The following ZHX2 variants were observed in gnomAD, a reference collection of about 807,000 sequenced individuals.
ZHX2 encodes zinc fingers and homeoboxes 2.
ZHX2 carries 6 observed loss-of-function variants against 21.9 expected under a neutral mutation model. The observed-to-expected ratio is 0.27, with a 90% CI of 0.15 to 0.54. The LOEUF (loss-of-function observed/expected upper bound fraction) is 0.54. Ranked by LOEUF, ZHX2 falls within the 20% of genes least tolerant of loss-of-function variation. The pLI, the probability that ZHX2 is intolerant of heterozygous loss-of-function variation, is 0.95. For synonymous variants in ZHX2, 434 were observed against 437.1 expected, an observed-to-expected ratio of 0.99 and a Z score of 0.09; for missense variants, 908 against 1,090.7, an observed-to-expected ratio of 0.83 and a Z score of 2.36.
intron 1 of ZHX2, among the ~76,000 whole-genome samples, chr8:122,844,594 C>T (rs1381179364): frequency 5.9e-5 from 9 of 152,136 alleles, no homozygotes; most frequent in African/African-American, 9.7e-5. Context: ...AGTGAAGTGA[C>T]GAGGGAGGTA....
chr8:122,920,105 C>G (rs1820701959), intron 2 of ZHX2, among the ~76,000 whole-genome samples: 1 of 152,166 alleles, frequency 6.6e-6, no homozygotes, highest in South Asian at 2.1e-4. Flanking sequence ...AAAACTCCGT[C>G]TCTACTAAAA....
chr8:122,829,992 A>G (rs1818337892), intron 1 of ZHX2, among the ~76,000 whole-genome samples: 1 of 152,256 alleles, frequency 6.6e-6, no homozygotes, highest in Admixed American at 6.5e-5. Context: ...TGTCAGAGCT[A>G]TTTGAACCAG....
chr8:122,930,833 T>C (rs993435496), intron 2 of ZHX2, among the ~76,000 whole-genome samples: 2 of 151,808 alleles, frequency 1.3e-5, no homozygotes, highest in Non-Finnish European at 2.9e-5. Context: ...GCTGGGAATA[T>C]TGTCAGACCC....
intron 1 of ZHX2, among the ~76,000 whole-genome samples, chr8:122,796,688 T>G (rs1817619081): frequency 6.6e-6 from 1 of 152,242 alleles, no homozygotes; most frequent in African/African-American, 2.4e-5. Flanking sequence ...TAATGCGTGC[T>G]CTGCCCATCA....
At position 122,951,945 on chromosome 8, in the gene ZHX2, A is replaced by G. The variant is rs774462449; in HGVS notation, c.435A>G (p.Lys145=). The change falls in exon 3 of 4, where the codon AAA becomes AAG. Residue 145 remains lysine, a synonymous_variant. Transcript: ENST00000314393. ...GEANFKLKLI[K]RNNQTVLEQS... The stretch of plus-strand genomic sequence containing the variant: ...CCAACTTCAAGCTGAAGTTAATTAA[A>G]CGCAATAATCAAACTGTCTTGGAAC... 5 of 1,614,046 alleles carry G rather than the reference A, an allele frequency of 3.1e-6. No homozygotes were observed. Among genetic ancestry groups the G allele is most frequent in the Non-Finnish European group, 4.2e-6 (5 of 1,180,022 alleles).
At chr8:122,827,821 A>C (rs1818295287) in intron 1 of ZHX2, among the ~76,000 whole-genome samples, 1 of 152,242 alleles carries the variant, frequency 6.6e-6, no homozygotes, top group African/African-American at 2.4e-5. Context: ...ACAAGATGAA[A>C]TAGAGAAGAG....
chr8:122,943,387 T>G (rs577631696), intron 2 of ZHX2, among the ~76,000 whole-genome samples: 1 of 152,394 alleles, frequency 6.6e-6, no homozygotes, highest in African/African-American at 2.4e-5. Context: ...CCAGTTTTAC[T>G]GCTCCAGGCT....
At chr8:122,928,747 A>G (rs1820913870) in intron 2 of ZHX2, among the ~76,000 whole-genome samples, 1 of 152,102 alleles carries the variant, frequency 6.6e-6, no homozygotes, top group Admixed American at 6.6e-5. Flanking sequence ...AGAGAAACCA[A>G]CTCATGAGCT....
intron 3 of ZHX2, among the ~76,000 whole-genome samples, chr8:122,958,858 T>C (rs1451742495): frequency 6.6e-6 from 1 of 152,238 alleles, no homozygotes; most frequent in Admixed American, 6.5e-5. Context: ...CTAGGCCCTG[T>C]GCTAGTCTGT....
chr8:122,795,065 G>T lies in ZHX2; in HGVS notation c.-283+13119G>T, dbSNP rs544248740. ...TCTCCGTGTTCCCAGCACCAGCACA[G>T]GGCTGGCCCACTTCATAGGCTCAAA... On this transcript the variant is annotated intron_variant, in intron 1 of 3. Transcript: ENST00000314393. 1.5e-4 allele frequency among the ~76,000 whole-genome samples: 23 copies of T among 152,342 alleles called. No individual in the cohort carries two copies. In the South Asian group the frequency reaches 4.1e-3, roughly 27 times the overall value.
At chr8:122,860,350 C>T (rs1819133828) in intron 1 of ZHX2, among the ~76,000 whole-genome samples, 2 of 152,118 alleles carry the variant, frequency 1.3e-5, no homozygotes, top group South Asian at 2.1e-4. Flanking sequence ...CATATCAGTA[C>T]CTAGAATGTA....
intron 2 of ZHX2, among the ~76,000 whole-genome samples, chr8:122,935,327 AG>A (rs781743032): frequency 2.6e-5 from 4 of 152,162 alleles, no homozygotes; most frequent in Non-Finnish European, 5.9e-5. Context: ...CTTTCAAAAA[AG>A]TATCTTTGGG....
intron 1 of ZHX2, among the ~76,000 whole-genome samples, chr8:122,860,685 C>T (rs929525352): frequency 6.6e-6 from 1 of 152,094 alleles, no homozygotes; most frequent in East Asian, 1.9e-4. Flanking sequence ...GAGGCAGGAG[C>T]GGACAGATCT....
chr8:122,922,288 A>C (rs1042865933), intron 2 of ZHX2, among the ~76,000 whole-genome samples: 13 of 150,528 alleles, frequency 8.6e-5, no homozygotes, highest in African/African-American at 3.2e-4. Context: ...AAAAAAAAAA[A>C]GAAAAGGAAA....
intron 1 of ZHX2, chr8:122,863,262 C>CTTTTTTTTTTTTT (rs144283135): frequency 1.4e-5 from 2 of 138,190 alleles, no homozygotes; most frequent in Non-Finnish European, 1.5e-5. Context: ...GGGCTAGGGT[C>CTTTTTTTTTTTTT]TTTTTTTTTT....
At chr8:122,792,780 A>C (rs1817541982) in intron 1 of ZHX2, among the ~76,000 whole-genome samples, 1 of 152,184 alleles carries the variant, frequency 6.6e-6, no homozygotes, top group South Asian at 2.1e-4. Flanking sequence ...AAAGCAAATG[A>C]GGTACCCAGC....
At chr8:122,789,019 C>T (rs1198065143) in intron 1 of ZHX2, among the ~76,000 whole-genome samples, 3 of 152,188 alleles carry the variant, frequency 2.0e-5, no homozygotes, top group African/African-American at 4.8e-5. Context: ...CTCTCCTCCT[C>T]GGATCTGGAG....
At chr8:122,871,483 G>A (rs546635504) in intron 2 of ZHX2, among the ~76,000 whole-genome samples, 28 of 135,338 alleles carry the variant, frequency 2.1e-4, no homozygotes, top group African/African-American at 7.7e-4. Context: ...AACAATGAGA[G>A]CACATGGACA....
chr8:122,815,245 T>C (rs1198327542), intron 1 of ZHX2, among the ~76,000 whole-genome samples: 1 of 152,248 alleles, frequency 6.6e-6, no homozygotes, highest in African/African-American at 2.4e-5. Context: ...TTAGGTACAA[T>C]AGGCACAGTG....
Sources: allele counts gnomAD v4.1 joint callset (sites outside exome capture counted in the v4.1 genomes callset), GRCh38; gene constraint gnomAD v4.1.1; transcripts MANE v1.5; gene names NCBI Gene and HGNC (gene_info 2026-07-23, HGNC 2026-07-21).